Variants in ANK3 observed in about 807,000 individuals in gnomAD.
The protein encoded by ANK3 is ankyrin 3, also known as ankyrin-3.
A neutral mutation model predicts 370.9 loss-of-function variants in ANK3; 57 were observed. The ratio of observed to expected loss-of-function variants is 0.15; its 90% CI spans 0.12 to 0.19. The LOEUF (loss-of-function observed/expected upper bound fraction) is 0.19. Among genes scored for constraint, ANK3 ranks in the 10% least tolerant of loss-of-function variants. The pLI, the probability that ANK3 is intolerant of heterozygous loss-of-function variation, is 1.00. For synonymous variants in ANK3, 1,929 were observed against 1,946.3 expected (o/e 0.99, Z 0.23); for missense variants, 4,439 against 5,302.1 (o/e 0.84, Z 5.06).
At chr10:60,201,822 G>C (rs1046485149) in intron 12 of ANK3, among the ~76,000 whole-genome samples, 2 of 149,810 alleles carry the variant, frequency 1.3e-5, no homozygotes, top group Non-Finnish European at 3.0e-5. Context: ...AGTGATTCTC[G>C]TGCCTCAGCC....
At chr10:60,543,853 T>C (rs928416663) in intron 2 of ANK3, among the ~76,000 whole-genome samples, 1 of 152,108 alleles carries the variant, frequency 6.6e-6, no homozygotes, top group Non-Finnish European at 1.5e-5. Context: ...GTGCTTTCCC[T>C]AGTCAATCTG....
chr10:60,696,305 C>A (rs942098060), intron 1 of ANK3, among the ~76,000 whole-genome samples: 2 of 149,222 alleles, frequency 1.3e-5, no homozygotes, highest in African/African-American at 5.0e-5. Flanking sequence ...GGATTCACAG[C>A]CGAATTCTAC....
Position 60,072,918 on chromosome 10 carries a change from C to T in ANK3, c.7963G>A (p.Asp2655Asn), listed in dbSNP as rs1064796657. The change falls in exon 37 of 44, where the codon GAT (aspartate) becomes AAT (asparagine). Residue 2655 changes from aspartate to asparagine, a missense_variant. By Grantham distance (23) the Asp-to-Asn change is conservative. This residue lies in a region of ANK3 where 1,601 missense variants were observed against 1,731.7 expected (regional missense o/e 0.92). Coordinates refer to ENST00000280772, the MANE Select transcript of ANK3 (RefSeq NM_020987.5). ...EWVKARQHGP[D>N]GQGFPKAEEK... ...TCGGCCTTGGGGAAGCCTTGTCCAT[C>T]AGGGCCATGCTGTCTTGCCTTAACC... 3 of 1,614,072 alleles carry T rather than the reference C, an allele frequency of 1.9e-6. No homozygotes were observed. The highest frequency in any genetic ancestry group is 1.7e-6 in the Non-Finnish European group (2 of 1,180,002).
chr10:60,424,872 T>C (rs2132960785), intron 2 of ANK3, among the ~76,000 whole-genome samples: 1 of 152,176 alleles, frequency 6.6e-6, no homozygotes, highest in East Asian at 1.9e-4. Context: ...ACAATGAAAT[T>C]TAAAGACATT....
At chr10:60,663,014 G>A (rs2078954020) in intron 1 of ANK3, among the ~76,000 whole-genome samples, 1 of 152,180 alleles carries the variant, frequency 6.6e-6, no homozygotes, top group Non-Finnish European at 1.5e-5. Context: ...TTGAGGAAAT[G>A]AGTCAAACAA....
chr10:60,412,449 G>A (rs899579541), intron 2 of ANK3, among the ~76,000 whole-genome samples: 1 of 152,088 alleles, frequency 6.6e-6, no homozygotes, highest in Non-Finnish European at 1.5e-5. Flanking sequence ...TCAGGCCTTC[G>A]GACTGGGACT....
chr10:60,152,393 C>T (rs2132252884), intron 23 of ANK3, among the ~76,000 whole-genome samples: 1 of 152,224 alleles, frequency 6.6e-6, no homozygotes, highest in South Asian at 2.1e-4. Context: ...ATGGACTAAA[C>T]ATTCAAAAAT....
chr10:60,180,011 CTG>C (rs1021184349), intron 18 of ANK3, among the ~76,000 whole-genome samples: 2,088 of 145,052 alleles, frequency 0.014, 46 homozygotes, highest in African/African-American at 0.057. Flanking sequence ...CTCTCTCTCT[CTG>C]TGTGTGAATA....
At chr10:60,688,441 A>C (rs951478681) in intron 1 of ANK3, among the ~76,000 whole-genome samples, 1 of 152,256 alleles carries the variant, frequency 6.6e-6, no homozygotes, top group African/African-American at 2.4e-5. Context: ...CATTGTACTT[A>C]TAATCAATAC....
At chr10:60,546,404 C>G (rs1287137161) in intron 2 of ANK3, among the ~76,000 whole-genome samples, 1 of 152,148 alleles carries the variant, frequency 6.6e-6, no homozygotes, top group African/African-American at 2.4e-5. Context: ...AATATTATTG[C>G]AATTCTTTAT....
At chr10:60,575,725 A>G (rs1271165839) in intron 2 of ANK3, among the ~76,000 whole-genome samples, 1 of 152,176 alleles carries the variant, frequency 6.6e-6, no homozygotes, top group Non-Finnish European at 1.5e-5. Flanking sequence ...TCACAAAATC[A>G]ATAGTAATTT....
At chr10:60,180,858 C>T (rs1426236894) in intron 18 of ANK3, among the ~76,000 whole-genome samples, 1 of 151,948 alleles carries the variant, frequency 6.6e-6, no homozygotes, top group African/African-American at 2.4e-5. Flanking sequence ...AGGGAGAACA[C>T]ACGCATGACC....
At chr10:60,524,298 C>G (rs563176875) in intron 2 of ANK3, among the ~76,000 whole-genome samples, 21 of 152,212 alleles carry the variant, frequency 1.4e-4, no homozygotes, top group African/African-American at 4.8e-4. Context: ...CAACCTGGAA[C>G]CTGGCTATGA....
intron 24 of ANK3, 83 bp downstream of exon 24, chr10:60,138,881 A>G: frequency 6.4e-7 from 1 of 1,559,598 alleles, no homozygotes; most frequent in Non-Finnish European, 8.7e-7. Context: ...TTTTGGGATA[A>G]TGTGAAAAAT....
At chr10:60,348,742 C>T (rs545805057) in intron 1 of ANK3, among the ~76,000 whole-genome samples, 1 of 152,104 alleles carries the variant, frequency 6.6e-6, no homozygotes, top group South Asian at 2.1e-4. Context: ...AGAAGGGTAC[C>T]TTTAAAAGAA....
chr10:60,706,252 A>G (rs949178618), intron 1 of ANK3, among the ~76,000 whole-genome samples: 1 of 152,214 alleles, frequency 6.6e-6, no homozygotes, highest in African/African-American at 2.4e-5. Flanking sequence ...AAAGGGCATC[A>G]GCCTAATGGC....
Position 60,293,776 on chromosome 10 carries a change from T to C in ANK3, c.115-14137A>G, listed in dbSNP as rs115445967. On this transcript the variant is annotated intron_variant, in intron 1 of 43. Coordinates refer to ENST00000280772, the MANE Select transcript of ANK3 (RefSeq NM_020987.5). Reference sequence around the variant, plus strand: ...ATAAAACAAATTCCAATTTTTTGCATAGCTTGGCTACACAACAACCACCAC... The same window carrying C: ...ATAAAACAAATTCCAATTTTTTGCACAGCTTGGCTACACAACAACCACCAC... Among the ~76,000 whole-genome samples the C allele has an allele frequency of 1.4e-3, 206 of 152,344 alleles. 2 individuals are homozygous for C. The highest frequency in any genetic ancestry group is 4.8e-3 in the African/African-American group (200 of 41,586).
At position 60,432,499 on chromosome 10, in the gene ANK3, A is replaced by G. The variant is rs142461478; in HGVS notation, c.97-152860T>C. On this transcript the variant is annotated intron_variant, in intron 2 of 43. Transcript: ENST00000373827. ...GATAGCAGAAGATCTCCTAACACAT[A>G]TAAAGGTAAACATCCTTATTGGCAC... 1.6e-3 allele frequency among the ~76,000 whole-genome samples: 245 copies of G among 152,338 alleles called. 1 individual carries two copies. Among genetic ancestry groups the G allele is most frequent in the African/African-American group, 5.6e-3 (233 of 41,578 alleles).
At chr10:60,630,804 C>T (rs186245163) in intron 1 of ANK3, among the ~76,000 whole-genome samples, 32 of 152,220 alleles carry the variant, frequency 2.1e-4, no homozygotes, top group Non-Finnish European at 3.2e-4. Flanking sequence ...AAAACCTAGA[C>T]GGAGAGAAAG....
Sources: allele counts gnomAD v4.1 joint callset (sites outside exome capture counted in the v4.1 genomes callset), GRCh38; gene constraint gnomAD v4.1.1; regional missense constraint gnomAD v4.1.1; transcripts MANE v1.5; gene names NCBI Gene and HGNC (gene_info 2026-07-23, HGNC 2026-07-21).